The following SLCO3A1 variants were observed in gnomAD, a reference collection of about 807,000 sequenced individuals.
The protein encoded by SLCO3A1 is PGE1 transporter.
SLCO3A1 carries 27 observed loss-of-function variants against 63.1 expected under a neutral mutation model. That is an observed-to-expected ratio of 0.43 (90% CI 0.32 to 0.59). The LOEUF (loss-of-function observed/expected upper bound fraction) is 0.59, where lower values mean the gene tolerates loss of function less well. Among genes scored for constraint, SLCO3A1 ranks in the 20% least tolerant of loss-of-function variants. The pLI, the probability that SLCO3A1 is intolerant of heterozygous loss-of-function variation, is 0.09. For missense variants in SLCO3A1, 773 were observed against 945.8 expected (o/e 0.82, Z 2.40); for synonymous variants, 473 against 409.9 (o/e 1.15, Z -1.86).
In SLCO3A1 at chr15:91,865,291, C is replaced by T. The variant is rs141216498; in HGVS notation, c.180+11203C>T. 7.9e-3 allele frequency among the ~76,000 whole-genome samples: 1,203 copies of T among 152,306 alleles called. 6 individuals carry two copies. Among genetic ancestry groups the T allele is most frequent in the Non-Finnish European group, 0.012 (832 of 68,030 alleles). On this transcript the variant is annotated intron_variant, in intron 1 of 9. Coordinates refer to ENST00000318445, the MANE Select transcript of SLCO3A1 (RefSeq NM_013272.4). The surrounding 1 kb of genome is among the most constrained non-coding windows in gnomAD (Gnocchi z 4.6). ...GATTATTCCCTAACATTTTCAATAT[C>T]TCAGATGCTAGACCAAAATTGGGTC...
At chr15:92,080,707 T>C (rs1480111265) in intron 2 of SLCO3A1, among the ~76,000 whole-genome samples, 1 of 152,208 alleles carries the variant, frequency 6.6e-6, no homozygotes, top group African/African-American at 2.4e-5. Context: ...TGCTGAGTGC[T>C]CACACTCGTG....
At position 91,969,882 on chromosome 15, in the gene SLCO3A1, T is replaced by A. The variant is rs2151427946; in HGVS notation, c.646+53424T>A. ...GGGGAATTGGGTAGGGTGAGCCCTT[T>A]GCATTGCTGGGTAGAAGAAAATTTG... On this transcript the variant is annotated intron_variant, in intron 2 of 9. Transcript: ENST00000318445. Among the ~76,000 whole-genome samples, 4 of 152,308 alleles carry A rather than the reference T, an allele frequency of 2.6e-5. No homozygotes were observed. The South Asian group carries it at 8.3e-4, about 32-fold the overall frequency.
At chr15:92,123,323 C>T (rs530169983) in intron 5 of SLCO3A1, among the ~76,000 whole-genome samples, 16 of 152,286 alleles carry the variant, frequency 1.1e-4, no homozygotes, top group Admixed American at 8.5e-4. Flanking sequence ...AGTAGAATCG[C>T]TTGAACCTGG....
chr15:92,143,257 A>G (rs1469900976), intron 7 of SLCO3A1, among the ~76,000 whole-genome samples: 1 of 138,376 alleles, frequency 7.2e-6, no homozygotes, highest in African/African-American at 2.7e-5. Flanking sequence ...TGCAGTAATC[A>G]AAGATGGATG....
chr15:92,000,956 G>C (rs530785613), intron 2 of SLCO3A1, among the ~76,000 whole-genome samples: 5 of 151,962 alleles, frequency 3.3e-5, no homozygotes, highest in Non-Finnish European at 5.9e-5. Flanking sequence ...ATTTCCCTTC[G>C]AGGACTGTCA....
At chr15:91,880,401 C>CTGTGTGTGTGTGTGTG (rs796110200) in intron 1 of SLCO3A1, among the ~76,000 whole-genome samples, 3,286 of 133,204 alleles carry the variant, frequency 0.025, 56 homozygotes, top group South Asian at 0.041. Flanking sequence ...CTCTCTCTCT[C>CTGTGTGTGTGTGTGTG]TCTCTCTCTG....
At chr15:92,008,817 TAAAAGCAAATCCTTTCA>T (rs1046552321) in intron 2 of SLCO3A1, among the ~76,000 whole-genome samples, 7 of 152,174 alleles carry the variant, frequency 4.6e-5, no homozygotes, top group African/African-American at 1.7e-4. Context: ...AAACTGAAAC[TAAAAGCAAATCCTTTCA>T]AAAAGCAAAT....
chr15:92,133,314 G>C (rs556801085), intron 7 of SLCO3A1, among the ~76,000 whole-genome samples: 2 of 146,642 alleles, frequency 1.4e-5, no homozygotes, highest in East Asian at 3.9e-4. Context: ...AGCTGACACT[G>C]AGTATTCATC....
Position 92,164,997 on chromosome 15 carries a change from C to T in SLCO3A1, c.*1862C>T, listed in dbSNP as rs1027900921. The T allele has an allele frequency of 2.0e-6, 2 of 985,244 alleles. No homozygotes were observed. Among genetic ancestry groups the T allele is most frequent in the African/African-American group, 3.5e-5 (2 of 57,208 alleles). The allele number at this position is 985,244 out of a possible 1,614,324, so 61.0% of individuals were successfully genotyped here. On this transcript the variant is annotated 3_prime_UTR_variant, in exon 10 of 10. Coordinates refer to ENST00000318445, the MANE Select transcript of SLCO3A1 (RefSeq NM_013272.4). The stretch of plus-strand genomic sequence containing the variant: ...TTGGTTTGCTTTTTCACCTTGGACA[C>T]ATTTGCATTTTACCCACAAGGCAAA...
At chr15:91,858,346 A>G (rs980251814) in intron 1 of SLCO3A1, among the ~76,000 whole-genome samples, 10 of 152,134 alleles carry the variant, frequency 6.6e-5, no homozygotes, top group Non-Finnish European at 1.3e-4. Flanking sequence ...CATAATTACT[A>G]TGTAGCCCCA....
At chr15:92,065,890 A>G (rs568428130) in intron 2 of SLCO3A1, among the ~76,000 whole-genome samples, 4 of 152,340 alleles carry the variant, frequency 2.6e-5, no homozygotes, top group Non-Finnish European at 5.9e-5. Context: ...CTCACTGGGA[A>G]GTTTAAAAGA....
At chr15:92,061,528 C>T (rs2047086062) in intron 2 of SLCO3A1, among the ~76,000 whole-genome samples, 1 of 152,232 alleles carries the variant, frequency 6.6e-6, no homozygotes, top group African/African-American at 2.4e-5. Flanking sequence ...TGAATCACTC[C>T]AGAAGTGTCC....
chr15:92,153,313 A>G (rs1037925408), intron 9 of SLCO3A1, among the ~76,000 whole-genome samples: 1 of 152,110 alleles, frequency 6.6e-6, no homozygotes, highest in Non-Finnish European at 1.5e-5. Context: ...TTTCTATTCT[A>G]GTCTATTACA....
rs1193000435 is a variant in SLCO3A1 at position 91,950,278 on chromosome 15, T to C, written c.646+33820T>C. ...CGGGTGTGTGTATTGTGGAGGGGATTGCAGGGGGCTGGGGAAGCAGAGATC... is the reference window on the plus strand; with the variant it reads ...CGGGTGTGTGTATTGTGGAGGGGATCGCAGGGGGCTGGGGAAGCAGAGATC... On this transcript the variant is annotated intron_variant, in intron 2 of 9. Coordinates refer to ENST00000318445, the MANE Select transcript of SLCO3A1 (RefSeq NM_013272.4). This position sits in a 1 kb window ranked among gnomAD's most constrained non-coding sequence, Gnocchi z 4.4. Among the ~76,000 whole-genome samples the C allele has an allele frequency of 1.3e-5, 2 of 152,126 alleles. No homozygotes were observed. The highest frequency in any genetic ancestry group is 4.8e-5 in the African/African-American group (2 of 41,422).
At chr15:92,068,101 A>G (rs2047172972) in intron 2 of SLCO3A1, among the ~76,000 whole-genome samples, 1 of 152,204 alleles carries the variant, frequency 6.6e-6, no homozygotes, top group African/African-American at 2.4e-5. Flanking sequence ...GTAAGAGTGC[A>G]CAAACGTTCA....
In SLCO3A1 at chr15:92,126,141, G is replaced by C; in HGVS notation, c.1255G>C (p.Gly419Arg). ...LVKKLSLSALGAIRMAMLVNL... is the reference protein window; with the variant it reads ...LVKKLSLSALRAIRMAMLVNL... ...GAAGAAGCTCAGCCTGTCTGCCCTGGGGGCCATTCGGATGGCCATGCTCGT... is the reference window on the plus strand; with the variant it reads ...GAAGAAGCTCAGCCTGTCTGCCCTGCGGGCCATTCGGATGGCCATGCTCGT... The change falls in exon 6 of 10, where the codon GGG (glycine) becomes CGG (arginine). Residue 419 changes from glycine to arginine, a missense_variant. Physicochemically the swap from Gly to Arg is moderately radical, Grantham distance 125. Around this residue, in one of 3 missense-constraint regions of SLCO3A1, gnomAD observed 565 missense variants for 749.8 expected, o/e 0.75. Transcript: ENST00000318445. 1.9e-6 allele frequency: 3 copies of C among 1,613,884 alleles called. No individual in the cohort carries two copies. Among genetic ancestry groups the C allele is most frequent in the Non-Finnish European group, 2.5e-6 (3 of 1,179,932 alleles).
intron 2 of SLCO3A1, among the ~76,000 whole-genome samples, chr15:92,063,023 T>C (rs1567097768): frequency 6.6e-6 from 1 of 152,226 alleles, no homozygotes; most frequent in Non-Finnish European, 1.5e-5. Flanking sequence ...TAGCCTGGGC[T>C]ATCAGGTCAC....
rs144742995 is a variant in SLCO3A1, at chr15:92,099,957, T to G, written c.746-4322T>G. Among the ~76,000 whole-genome samples, 638 of 151,972 alleles carry G rather than the reference T, an allele frequency of 4.2e-3. 6 individuals are homozygous for G. Among genetic ancestry groups the G allele is most frequent in the African/African-American group, 0.015 (605 of 41,428 alleles). On this transcript the variant is annotated intron_variant, in intron 3 of 9. Coordinates refer to ENST00000318445, the MANE Select transcript of SLCO3A1 (RefSeq NM_013272.4). ...GGTAGGCACCTGTAATCTCAGCTACTTGGGAGGCTGACGCAGGAGAATTGC... is the reference window on the plus strand; with the variant it reads ...GGTAGGCACCTGTAATCTCAGCTACGTGGGAGGCTGACGCAGGAGAATTGC...
intron 1 of SLCO3A1, among the ~76,000 whole-genome samples, chr15:91,903,034 A>T (rs6496866): frequency 0.56 from 85,745 of 152,118 alleles, 26,279 homozygotes; most frequent in East Asian, 0.84. Context: ...TAGCTCTTTT[A>T]CTTGGTGCAG....
Sources: allele counts gnomAD v4.1 joint callset (sites outside exome capture counted in the v4.1 genomes callset), GRCh38; gene constraint gnomAD v4.1.1; regional missense constraint gnomAD v4.1.1; non-coding constraint Gnocchi (gnomAD v3.1); transcripts MANE v1.5; gene names NCBI Gene and HGNC (gene_info 2026-07-23, HGNC 2026-07-21).